GALNT8: variants seen among roughly 807,000 people sequenced by gnomAD.
GALNT8 encodes polypeptide N-acetylgalactosaminyltransferase 8, also known as probable polypeptide N-acetylgalactosaminyltransferase 8.
Under a neutral mutation model 62.7 loss-of-function variants are expected in GALNT8, and 66 were observed. That is an observed-to-expected ratio of 1.05 (90% CI 0.86 to 1.29). GALNT8 has a LOEUF of 1.29. Ranked by LOEUF, GALNT8 falls within the 50% of genes most tolerant of loss-of-function variation. GALNT8 has a pLI of 0.00. For missense variants in GALNT8, 771 were observed against 791.8 expected (o/e 0.97, Z 0.32); for synonymous variants, 288 against 294.3 (o/e 0.98, Z 0.22).
chr12:4,757,906 C>A (rs1946352333), intron 6 of GALNT8, among the ~76,000 whole-genome samples: 1 of 152,152 alleles, frequency 6.6e-6, no homozygotes, highest in African/African-American at 2.4e-5. Context: ...TTCTTACCTA[C>A]CAGAGCTTTA....
intron 6 of GALNT8, among the ~76,000 whole-genome samples, chr12:4,748,838 A>C (rs1315015924): frequency 1.3e-5 from 2 of 152,144 alleles, no homozygotes; most frequent in Non-Finnish European, 2.9e-5. Flanking sequence ...TGATTCTTCC[A>C]ATCCATGAAC....
At chr12:4,758,398 T>C (rs1022215601) in intron 6 of GALNT8, among the ~76,000 whole-genome samples, 1 of 152,072 alleles carries the variant, frequency 6.6e-6, no homozygotes, top group South Asian at 2.1e-4. Context: ...CAGCATTTGT[T>C]GAGCACCTTG....
chr12:4,745,708 G>A (rs1946295808), intron 5 of GALNT8, 82 bp downstream of exon 5: 1 of 1,056,340 alleles, frequency 9.5e-7, no homozygotes, highest in Non-Finnish European at 1.4e-6. Flanking sequence ...TATCTTTGGT[G>A]GTAGTAATTG....
chr12:4,744,814 A>G, intron 4 of GALNT8, 114 bp downstream of exon 4: 2 of 662,636 alleles, frequency 3.0e-6, no homozygotes, highest in Middle Eastern at 3.0e-4. Flanking sequence ...CAGGCCTTAA[A>G]TAAAGGGAAT....
intron 10 of GALNT8, among the ~76,000 whole-genome samples, 191 bp from the exon 11 acceptor site, chr12:4,772,254 A>G (rs761386392): frequency 1.3e-5 from 2 of 152,210 alleles, no homozygotes; most frequent in Admixed American, 6.5e-5. Context: ...TCAGTTTGCC[A>G]TGGGGCTGGT....
Position 4,764,300 on chromosome 12 carries a change from G to C in GALNT8, c.1593+253G>C, listed in dbSNP as rs142910589. 2.1e-3 allele frequency among the ~76,000 whole-genome samples: 324 copies of C among 152,288 alleles called. 2 individuals are homozygous for C. Among genetic ancestry groups the C allele is most frequent in the African/African-American group, 7.1e-3 (295 of 41,564 alleles). ...AGCTATGCTCTGTCACATTCATTCT[G>C]CATGGTGATATTTGCATTGACAATC... is the stretch of plus-strand genomic sequence containing the variant. On this transcript the variant is annotated intron_variant, in intron 9 of 10. Transcript: ENST00000252318.
chr12:4,743,955 A>G (rs1337717244), intron 3 of GALNT8, among the ~76,000 whole-genome samples: 1 of 152,214 alleles, frequency 6.6e-6, no homozygotes, highest in Non-Finnish European at 1.5e-5. Context: ...CTACCTGTAA[A>G]CAATCTAGGA....
intron 10 of GALNT8, among the ~76,000 whole-genome samples, chr12:4,772,135 C>T (rs934180820): frequency 6.6e-6 from 1 of 152,172 alleles, no homozygotes; most frequent in Non-Finnish European, 1.5e-5. Context: ...AGAAGGCCCA[C>T]GGTTCTCACA....
chr12:4,765,271 A>T, intron 9 of GALNT8, 108 bp from the exon 10 acceptor site: 1 of 1,002,708 alleles, frequency 1.0e-6, no homozygotes, highest in Non-Finnish European at 1.4e-6. Flanking sequence ...CTGGGTGTCT[A>T]GGGGCCCCAA....
Position 4,720,719 on chromosome 12 carries a change from G to A in GALNT8, c.42G>A (p.Gly14=). The change falls in exon 1 of 11, where the codon GGG becomes GGA. Residue 14 remains glycine (G), a synonymous_variant. Coordinates refer to ENST00000252318, the MANE Select transcript of GALNT8 (RefSeq NM_017417.2). The part of the protein sequence containing the change: ...WRKLPKALFI[G]LTLAIAVNLL... ...AACTCCCCAAAGCCCTCTTCATTGG[G>A]CTGACTCTGGCCATTGCTGTCAATC... 1.2e-6 allele frequency: 2 copies of A among 1,613,830 alleles called. No homozygotes were observed. Among genetic ancestry groups the A allele is most frequent in the Non-Finnish European group, 1.7e-6 (2 of 1,179,732 alleles).
chr12:4,739,326 A>C lies in GALNT8; in HGVS notation c.673A>C (p.Asn225His). 3 of 1,611,370 alleles carry C rather than the reference A, an allele frequency of 1.9e-6. No individual in the cohort carries two copies. Among genetic ancestry groups the C allele is most frequent in the African/African-American group, 1.3e-5 (1 of 74,946 alleles). Residue 225 changes from asparagine (N) to histidine (H), a missense_variant, in exon 3 of 11, where the codon AAT becomes CAT. Asn to His is a moderately conservative substitution (Grantham distance 68). Coordinates refer to ENST00000252318, the MANE Select transcript of GALNT8 (RefSeq NM_017417.2). ...EIILVDDFSS[N>H]GELKVHLDEK... ...CATCTTGGTGGATGATTTCAGCTCA[A>C]ATGGTGAGCAACGTGATCAAAGAAT...
chr12:4,726,952 A>G lies in GALNT8; in HGVS notation c.509+123A>G. The G allele has an allele frequency of 2.6e-6, 2 of 771,932 alleles. No individual in the cohort carries two copies. Among genetic ancestry groups the G allele is most frequent in the Non-Finnish European group, 2.1e-6 (1 of 478,256 alleles). The allele number at this position is 771,932 out of a possible 1,614,324, so 47.8% of individuals were successfully genotyped here. ...GTTGGGGAAGGGGTTCAGGCTGAGC[A>G]AAGTTGTTGTTTTCAATTTATTTTA... On this transcript the variant is annotated intron_variant, in intron 2 of 10. Coordinates refer to ENST00000252318, the MANE Select transcript of GALNT8 (RefSeq NM_017417.2). This position sits in a 1 kb window ranked among gnomAD's most constrained non-coding sequence, Gnocchi z 4.1.
chr12:4,767,738 T>C lies in GALNT8; in HGVS notation c.1761+2192T>C, dbSNP rs1409194643. On this transcript the variant is annotated intron_variant, in intron 10 of 10. Transcript: ENST00000252318. Reference sequence around the variant, plus strand: ...AAATATGAGTTTTTGATGGCCTTAATCATATCTTTTTTGTTCGTGTGAAGA... The same window carrying C: ...AAATATGAGTTTTTGATGGCCTTAACCATATCTTTTTTGTTCGTGTGAAGA... Among the ~76,000 whole-genome samples, 2 of 152,238 alleles carry C rather than the reference T, an allele frequency of 1.3e-5. 1 individual carries two copies. Among genetic ancestry groups the C allele is most frequent in the Admixed American group, 1.3e-4 (2 of 15,288 alleles).
At chr12:4,755,779 A>T in intron 6 of GALNT8, among the ~76,000 whole-genome samples, 1 of 152,220 alleles carries the variant, frequency 6.6e-6, no homozygotes, top group East Asian at 1.9e-4. Context: ...ATGTCAGTGT[A>T]TTGGTTAACT....
chr12:4,739,308 G>C lies in GALNT8; in HGVS notation c.655G>C (p.Val219Leu), dbSNP rs779258345. 2 of 1,612,654 alleles carry C rather than the reference G, an allele frequency of 1.2e-6. No individual in the cohort carries two copies. Among genetic ancestry groups the C allele is most frequent in the South Asian group, 2.2e-5 (2 of 90,848 alleles). ...TCGATTGTTGAAGGAAATCATCTTG[G>C]TGGATGATTTCAGCTCAAATGGTGA... ...PSRLLKEIIL[V>L]DDFSSNGELK... The change falls in exon 3 of 11, where the codon GTG (valine) becomes CTG (leucine). Residue 219 changes from valine (V) to leucine (L), a missense_variant. Coordinates refer to ENST00000252318, the MANE Select transcript of GALNT8 (RefSeq NM_017417.2).
At chr12:4,730,432 G>T (rs1318880141) in intron 2 of GALNT8, among the ~76,000 whole-genome samples, 2 of 152,084 alleles carry the variant, frequency 1.3e-5, no homozygotes, top group African/African-American at 4.8e-5. Flanking sequence ...TTAAACGTGG[G>T]TATTCCGTTT....
In GALNT8 at chr12:4,720,716, T is replaced by A; in HGVS notation, c.39T>A (p.Ile13=). ...GGAAACTCCCCAAAGCCCTCTTCATTGGGCTGACTCTGGCCATTGCTGTCA... is the reference window on the plus strand; with the variant it reads ...GGAAACTCCCCAAAGCCCTCTTCATAGGGCTGACTCTGGCCATTGCTGTCA... The part of the protein sequence containing the change: ...FWRKLPKALF[I]GLTLAIAVNL... The change falls in exon 1 of 11, where the codon ATT becomes ATA. Residue 13 remains isoleucine, a synonymous_variant. Transcript: ENST00000252318. 1 of 1,613,762 alleles carries A rather than the reference T, an allele frequency of 6.2e-7. No homozygotes were observed. Among genetic ancestry groups the A allele is most frequent in the Non-Finnish European group, 8.5e-7 (1 of 1,179,628 alleles).
At position 4,720,642 on chromosome 12, in the gene GALNT8, C is replaced by G; in HGVS notation, c.-36C>G. On this transcript the variant is annotated 5_prime_UTR_variant, in exon 1 of 11. Transcript: ENST00000252318. The stretch of plus-strand genomic sequence containing the variant: ...TAACCTGCTCCAGCAGTGACACACT[C>G]AGTCCCACAGGGAGTGGACGACCCC... 1.6e-6 allele frequency: 2 copies of G among 1,285,998 alleles called. No individual in the cohort carries two copies. The highest frequency in any genetic ancestry group is 1.2e-5 in the South Asian group (1 of 84,516). The allele number at this position is 1,285,998 out of a possible 1,614,324, so 79.7% of individuals were successfully genotyped here.
intron 6 of GALNT8, among the ~76,000 whole-genome samples, chr12:4,757,947 C>T (rs1395148661): frequency 1.3e-5 from 2 of 152,130 alleles, no homozygotes; most frequent in African/African-American, 2.4e-5. Context: ...AACTTAAGAC[C>T]CAAAGCCCTC....
Sources: gnomAD v4.1 joint callset for allele counts (sites outside exome capture counted in the v4.1 genomes callset) on GRCh38, gnomAD v4.1.1 for gene constraint, Gnocchi (gnomAD v3.1) non-coding constraint, MANE v1.5 for transcripts, NCBI Gene and HGNC (gene_info 2026-07-23, HGNC 2026-07-21) for gene names.